Variants in ZNF888 observed in about 807,000 individuals in gnomAD.
The protein encoded by ZNF888 is CTD-2331H12.6.
Under a neutral mutation model 7.2 loss-of-function variants are expected in ZNF888, and 5 were observed. The observed-to-expected ratio is 0.70, with a 90% CI of 0.36 to 1.46. ZNF888 has a LOEUF of 1.46. Among genes scored for constraint, ZNF888 ranks in the 40% most tolerant of loss-of-function variants. The pLI is 0.03. For synonymous variants in ZNF888, 240 were observed against 284.3 expected, an observed-to-expected ratio of 0.84 and a Z score of 1.57; for missense variants, 716 against 858.0, an observed-to-expected ratio of 0.83 and a Z score of 2.07.
chr19:52,916,052 A>C, intron 3 of ZNF888, among the ~76,000 whole-genome samples: 1 of 152,266 alleles, frequency 6.6e-6, no homozygotes, highest in East Asian at 1.9e-4. Context: ...AGGCTGAGGC[A>C]GGAGAATGGC....
At chr19:52,915,762 A>G (rs921152222) in intron 3 of ZNF888, among the ~76,000 whole-genome samples, 1 of 131,510 alleles carries the variant, frequency 7.6e-6, no homozygotes, top group Non-Finnish European at 1.7e-5. Flanking sequence ...GGCATGAGCC[A>G]CCATACCCGG....
chr19:52,907,850 T>TC lies in ZNF888; in HGVS notation c.471dup (p.Lys158GlufsTer4). ...GACTTCTCAAGTTGATTACCAATTT[T>TC]CCCTTCGGGCTGAAATATGTGCAGT... is the stretch of plus-strand genomic sequence containing the variant. On this transcript the variant is annotated frameshift_variant, in exon 5 of 5. Transcript: ENST00000638862. LOFTEE classifies it low-confidence loss of function (END_TRUNC). 2.5e-6 allele frequency: 4 copies of TC among 1,614,190 alleles called. No homozygotes were observed. The South Asian group carries it at 4.4e-5, about 18-fold the overall frequency.
chr19:52,911,647 G>A (rs1471479408), intron 4 of ZNF888, among the ~76,000 whole-genome samples: 1 of 151,510 alleles, frequency 6.6e-6, no homozygotes, highest in African/African-American at 2.4e-5. Context: ...ATCAGTCTAA[G>A]CTATTTCTAA....
At chr19:52,914,039 C>A (rs2064715931) in intron 4 of ZNF888, among the ~76,000 whole-genome samples, 1 of 152,160 alleles carries the variant, frequency 6.6e-6, no homozygotes, top group South Asian at 2.1e-4. Context: ...GCACAAGAAT[C>A]CTTTGAGCCC....
At position 52,907,241 on chromosome 19, in the gene ZNF888, T is replaced by C; in HGVS notation, c.1081A>G (p.Lys361Glu). 1.2e-6 allele frequency: 2 copies of C among 1,613,510 alleles called. No homozygotes were observed. The highest frequency in any genetic ancestry group is 1.7e-5 in the Admixed American group (1 of 59,972). Residue 361 changes from lysine (K) to glutamate (E), a missense_variant, in exon 5 of 5, where the codon AAA becomes GAA. Lys to Glu is a moderately conservative substitution (Grantham distance 56). This residue lies in a region of ZNF888 where 697 missense variants were observed against 803.4 expected (regional missense o/e 0.87). Transcript: ENST00000638862. ...AGGTATGATTTGCGACTGAAAACTT[T>C]GTCACATTCTTTACATTGGTAAGGT... The part of the protein sequence containing the change: ...EKPYQCKECD[K>E]VFSRKSYLER...
intron 1 of ZNF888, among the ~76,000 whole-genome samples, chr19:52,922,827 G>A (rs766068969): frequency 1.3e-4 from 20 of 152,264 alleles, no homozygotes; most frequent in Non-Finnish European, 2.5e-4. Context: ...GACAGGCCCC[G>A]GGTACCTCCC....
chr19:52,914,091 C>T (rs2064716505), intron 4 of ZNF888, among the ~76,000 whole-genome samples: 2 of 152,314 alleles, frequency 1.3e-5, no homozygotes, highest in South Asian at 4.1e-4. Flanking sequence ...CACCACTGCA[C>T]TGTAGCCTTG....
chr19:52,908,277 A>G, intron 4 of ZNF888, 98 bp from the exon 5 acceptor site: 1 of 1,169,024 alleles, frequency 8.6e-7, no homozygotes, highest in Non-Finnish European at 1.2e-6. Flanking sequence ...CTTATTTTAA[A>G]CATCTCAAAC....
intron 3 of ZNF888, among the ~76,000 whole-genome samples, chr19:52,916,621 T>TATGTATTATATACATACATATACATATAC (rs2064753736): frequency 6.2e-5 from 1 of 16,072 alleles, no homozygotes; most frequent in Non-Finnish European, 2.1e-4. Context: ...TATACATATA[T>TATGTATTATATACATACATATACATATAC]ATATATATAT....
rs888264712 is a variant in ZNF888 at position 52,906,134 on chromosome 19, C to T, written c.*31G>A. The T allele has an allele frequency of 5.2e-5, 84 of 1,612,052 alleles. No individual in the cohort carries two copies. Among genetic ancestry groups the T allele is most frequent in the Non-Finnish European group, 6.2e-5 (73 of 1,178,652 alleles). ...CTTCAATGATTTGCAATGGTTGTAG[C>T]GTTACTGAAGACTTGGTGACAATCA... On this transcript the variant is annotated 3_prime_UTR_variant, in exon 5 of 5. Coordinates refer to ENST00000638862, the MANE Select transcript of ZNF888 (RefSeq NM_001393938.1).
intron 3 of ZNF888, among the ~76,000 whole-genome samples, chr19:52,917,044 C>A (rs1402923152): frequency 6.6e-6 from 1 of 152,168 alleles, no homozygotes; most frequent in Non-Finnish European, 1.5e-5. Flanking sequence ...GTTTCACGAG[C>A]CTCTCCATAG....
rs2064816349 is a variant in ZNF888 at position 52,920,819 on chromosome 19, A to G, written c.-177-1882T>C. Among the ~76,000 whole-genome samples, 2 of 65,288 alleles carry G rather than the reference A, an allele frequency of 3.1e-5. 1 individual carries two copies. The highest frequency in any genetic ancestry group is 7.2e-5 in the Non-Finnish European group (2 of 27,946). The allele number at this position is 65,288 out of a possible 152,430, so 42.8% of individuals were successfully genotyped here. ...TTGATTGATGTCTCCTGTCTCCCTA[A>G]AATGTATAAAACCAAGCTGCGCCCC... is the stretch of plus-strand genomic sequence containing the variant. On this transcript the variant is annotated intron_variant, in intron 1 of 4. Transcript: ENST00000638862.
At chr19:52,915,692 G>A (rs968224823) in intron 3 of ZNF888, among the ~76,000 whole-genome samples, 1 of 152,030 alleles carries the variant, frequency 6.6e-6, no homozygotes. Context: ...GGCCAGGATG[G>A]TCTCGATCTC....
chr19:52,907,434 T>G lies in ZNF888; in HGVS notation c.888A>C (p.Lys296Asn), dbSNP rs1053309655. The G allele has an allele frequency of 4.1e-5, 66 of 1,610,940 alleles. No individual in the cohort carries two copies. Among genetic ancestry groups the G allele is most frequent in the Non-Finnish European group, 5.3e-5 (63 of 1,178,468 alleles). ...TGCCACACTCATTACACTTGTAAGG[T>G]TTTTCTCCAGTATGACGTCTATAAT... ...ARHYRRHTGE[K>N]PYKCNECGKT... The change falls in exon 5 of 5, where the codon AAA becomes AAC. Residue 296 changes from lysine to asparagine, a missense_variant. Lys to Asn is a moderately conservative substitution (Grantham distance 94). Around this residue, in one of 2 missense-constraint regions of ZNF888, gnomAD observed 697 missense variants for 803.4 expected, o/e 0.87. Coordinates refer to ENST00000638862, the MANE Select transcript of ZNF888 (RefSeq NM_001393938.1).
intron 3 of ZNF888, chr19:52,917,467 A>C (rs1037537182): frequency 9.6e-6 from 5 of 520,082 alleles, no homozygotes; most frequent in African/African-American, 1.9e-5. Flanking sequence ...TCTAGAATTT[A>C]CCATGTTCTT....
rs567104420 is a variant in ZNF888, at chr19:52,922,556, CT to C, written c.-178+812del. ...TTCTCCAGTTGCTTTTCTCCTCCTGCTTTGTTATCTTTTGTTTTTTCACTTT... is the reference window on the plus strand; with the variant it reads ...TTCTCCAGTTGCTTTTCTCCTCCTGCTTGTTATCTTTTGTTTTTTCACTTT... On this transcript the variant is annotated intron_variant, in intron 1 of 4. Transcript: ENST00000638862. 4.7e-3 allele frequency among the ~76,000 whole-genome samples: 718 copies of C among 152,262 alleles called. 2 individuals are homozygous for C. The highest frequency in any genetic ancestry group is 0.014 in the Middle Eastern group (4 of 294).
At chr19:52,916,856 A>G (rs1167929616) in intron 3 of ZNF888, among the ~76,000 whole-genome samples, 1 of 151,584 alleles carries the variant, frequency 6.6e-6, no homozygotes, top group African/African-American at 2.4e-5. Flanking sequence ...AGTTTGCAGT[A>G]AGCCAAGATC....
intron 4 of ZNF888, among the ~76,000 whole-genome samples, chr19:52,914,554 G>GTT (rs2064722289): frequency 2.0e-5 from 3 of 152,182 alleles, no homozygotes; most frequent in Admixed American, 6.5e-5. Flanking sequence ...TGAATGCTTG[G>GTT]GGAGCACTGT....
At position 52,906,882 on chromosome 19, in the gene ZNF888, G is replaced by C; in HGVS notation, c.1440C>G (p.His480Gln). The change falls in exon 5 of 5, where the codon CAC becomes CAG. Residue 480 changes from histidine (H) to glutamine (Q), a missense_variant. Coordinates refer to ENST00000638862, the MANE Select transcript of ZNF888 (RefSeq NM_001393938.1). ...ECDKVFSRKS[H>Q]LERHRRIHTG... Reference sequence around the variant, plus strand: ...TGTGAATTCTCCTATGTCTTTCAAGGTGTGATTTGCGACTGAAAACTTTGT... The same window carrying C: ...TGTGAATTCTCCTATGTCTTTCAAGCTGTGATTTGCGACTGAAAACTTTGT... The C allele has an allele frequency of 6.2e-7, 1 of 1,611,660 alleles. No homozygotes were observed. Among genetic ancestry groups the C allele is most frequent in the Non-Finnish European group, 8.5e-7 (1 of 1,179,496 alleles).
Sources: gnomAD v4.1 joint callset for allele counts (sites outside exome capture counted in the v4.1 genomes callset) on GRCh38, gnomAD v4.1.1 for gene constraint, gnomAD v4.1.1 regional missense constraint, MANE v1.5 for transcripts, NCBI Gene and HGNC (gene_info 2026-07-23, HGNC 2026-07-21) for gene names.